Variants in HYCC2 observed in about 807,000 individuals in gnomAD.
HYCC2 encodes hyccin 2.
At chr2:201,025,478 AG>A in the HYCC2 span, among the ~76,000 whole-genome samples, 2 of 152,142 alleles carry the variant, frequency 1.3e-5, no homozygotes, top group African/African-American at 4.8e-5. Context: ...AAAGAAAAGA[AG>A]GAGAGAAAGA....
chr2:201,051,209 T>C, the HYCC2 span, among the ~76,000 whole-genome samples: 1 of 152,204 alleles, frequency 6.6e-6, no homozygotes, highest in African/African-American at 2.4e-5. Flanking sequence ...AGTTATGATA[T>C]AACCTATTGA....
chr2:201,032,279 T>C, the HYCC2 span, among the ~76,000 whole-genome samples: 1 of 152,182 alleles, frequency 6.6e-6, no homozygotes, highest in African/African-American at 2.4e-5. Flanking sequence ...TGTCATTTTA[T>C]AATATACTTT....
the HYCC2 span, among the ~76,000 whole-genome samples, chr2:200,999,982 C>A: frequency 6.9e-6 from 1 of 145,140 alleles, no homozygotes; most frequent in Non-Finnish European, 1.5e-5. Flanking sequence ...CACTCGAACC[C>A]GAGAGGCGGA....
chr2:201,069,543 A>AAC, the HYCC2 span, among the ~76,000 whole-genome samples: 371 of 143,730 alleles, frequency 2.6e-3, 2 homozygotes, highest in Admixed American at 5.8e-3. Context: ...CATAAGAAGA[A>AAC]ACACACACAC....
the HYCC2 span, among the ~76,000 whole-genome samples, chr2:201,059,306 T>C: frequency 6.6e-6 from 1 of 152,244 alleles, no homozygotes; most frequent in Non-Finnish European, 1.5e-5. Flanking sequence ...ATATAGTTCC[T>C]GACTTGTTCA....
At chr2:200,974,617 G>C in the HYCC2 span, 1 of 151,858 alleles carries the variant, frequency 6.6e-6, no homozygotes, top group African/African-American at 2.4e-5. Flanking sequence ...GTGATTGTTA[G>C]AAAGCCAATC....
chr2:201,018,802 G>T, the HYCC2 span, among the ~76,000 whole-genome samples: 8 of 152,146 alleles, frequency 5.3e-5, no homozygotes, highest in African/African-American at 1.9e-4. Context: ...CTGCACTCCA[G>T]CCTGGGTAAC....
chr2:201,057,717 G>A, the HYCC2 span, among the ~76,000 whole-genome samples: 5 of 151,576 alleles, frequency 3.3e-5, no homozygotes, highest in Non-Finnish European at 7.4e-5. Context: ...TAAGATCAAA[G>A]GAAAGAAGGA....
the HYCC2 span, chr2:201,011,498 A>ACG: frequency 8.5e-7 from 1 of 1,170,062 alleles, no homozygotes; most frequent in Non-Finnish European, 1.2e-6. Context: ...ATACAAAGAT[A>ACG]ATGAAATAAT....
At chr2:201,008,898 GTCAT>G in the HYCC2 span, 22 of 926,286 alleles carry the variant, frequency 2.4e-5, no homozygotes, top group Admixed American at 3.8e-5. Flanking sequence ...GTGAGACTCT[GTCAT>G]TCATTCATTC....
At chr2:201,043,916 C>T in the HYCC2 span, among the ~76,000 whole-genome samples, 2 of 152,144 alleles carry the variant, frequency 1.3e-5, no homozygotes, top group Non-Finnish European at 1.5e-5. Context: ...GATGGGGTCT[C>T]GCTATCTTGC....
chr2:201,008,890 G>A, the HYCC2 span: 2 of 865,702 alleles, frequency 2.3e-6, no homozygotes, highest in Non-Finnish European at 3.8e-6. Flanking sequence ...GTGACAGAGT[G>A]AGACTCTGTC....
the HYCC2 span, among the ~76,000 whole-genome samples, chr2:201,060,331 A>T: frequency 6.6e-6 from 1 of 152,220 alleles, no homozygotes; most frequent in Non-Finnish European, 1.5e-5. Flanking sequence ...GCTAAAAGCC[A>T]TTTCTGAACC....
chr2:201,031,497 C>G, the HYCC2 span, among the ~76,000 whole-genome samples: 1 of 152,064 alleles, frequency 6.6e-6, no homozygotes, highest in Non-Finnish European at 1.5e-5. Flanking sequence ...AATACAAATA[C>G]AAAATTAACC....
chr2:201,039,103 C>T, the HYCC2 span, among the ~76,000 whole-genome samples: 1 of 152,184 alleles, frequency 6.6e-6, no homozygotes, highest in Non-Finnish European at 1.5e-5. Context: ...TGTATCACCT[C>T]CTTATAGAAC....
chr2:201,006,122 G>A, the HYCC2 span, among the ~76,000 whole-genome samples: 10 of 142,146 alleles, frequency 7.0e-5, no homozygotes, highest in Non-Finnish European at 1.5e-4. Context: ...GTGAGCTATC[G>A]CGCCTGGCTT....
the HYCC2 span, among the ~76,000 whole-genome samples, chr2:201,064,240 A>G: frequency 6.6e-6 from 1 of 152,204 alleles, no homozygotes; most frequent in East Asian, 1.9e-4. Flanking sequence ...GACTAATTGT[A>G]TAACAGGTTA....
At chr2:200,993,421 G>A in the HYCC2 span, among the ~76,000 whole-genome samples, 1 of 152,096 alleles carries the variant, frequency 6.6e-6, no homozygotes, top group Admixed American at 6.5e-5. Context: ...TGTCTGTGAG[G>A]CCATTTTTAA....
At chr2:201,063,895 G>T in the HYCC2 span, 2 of 1,596,234 alleles carry the variant, frequency 1.3e-6, no homozygotes, top group East Asian at 4.5e-5. Context: ...ACAAAAATCA[G>T]TCTTCAAATT....
Sources: allele counts gnomAD v4.1 joint callset (sites outside exome capture counted in the v4.1 genomes callset), GRCh38; gene constraint gnomAD v4.1.1; transcripts MANE v1.5; gene names NCBI Gene and HGNC (gene_info 2026-07-23, HGNC 2026-07-21).